The following RAP1GAP2 variants were observed in gnomAD, a reference collection of about 807,000 sequenced individuals.
RAP1GAP2 encodes the protein rap1 GTPase-activating protein 2.
In RAP1GAP2, 27 loss-of-function variants were observed where a neutral mutation model predicts 95.0. That is an observed-to-expected ratio of 0.28 (90% CI 0.21 to 0.39). The LOEUF (loss-of-function observed/expected upper bound fraction) is 0.39. Among genes scored for constraint, RAP1GAP2 ranks in the 10% least tolerant of loss-of-function variants. The pLI, the probability that RAP1GAP2 is intolerant of heterozygous loss-of-function variation, is 1.00. For missense variants in RAP1GAP2, 771 were observed against 970.0 expected (o/e 0.79, Z 2.72); for synonymous variants, 373 against 380.9 (o/e 0.98, Z 0.24).
intron 2 of RAP1GAP2, among the ~76,000 whole-genome samples, chr17:2,832,077 G>T (rs935093191): frequency 1.3e-5 from 2 of 150,746 alleles, no homozygotes; most frequent in Non-Finnish European, 2.9e-5. Flanking sequence ...GGTGGTGGGT[G>T]CCTGTAATCC....
intron 17 of RAP1GAP2, among the ~76,000 whole-genome samples, chr17:3,016,043 G>T (rs115811031): frequency 6.6e-6 from 1 of 152,140 alleles, no homozygotes; most frequent in Non-Finnish European, 1.5e-5. Context: ...ACTACGATAA[G>T]GAAAATTCAT....
Position 2,985,017 on chromosome 17 carries a change from A to C in RAP1GAP2, c.764A>C (p.Glu255Ala). Residue 255 changes from glutamate to alanine, a missense_variant, in exon 11 of 25, where the codon GAA becomes GCA. Coordinates refer to ENST00000254695, the MANE Select transcript of RAP1GAP2 (RefSeq NM_015085.5). ...SQMIVSYDEH[E>A]VNNTFKFGVI... ...ATGATTGTGTCCTATGATGAGCATG[A>C]AGTCAACAACACATTCAAATTCGGA... 6.2e-7 allele frequency: 1 copy of C among 1,613,854 alleles called. No homozygotes were observed. Among genetic ancestry groups the C allele is most frequent in the Non-Finnish European group, 8.5e-7 (1 of 1,179,868 alleles).
chr17:3,014,135 G>C (rs12951714), intron 17 of RAP1GAP2, among the ~76,000 whole-genome samples: 3 of 19,934 alleles, frequency 1.5e-4, no homozygotes, highest in African/African-American at 2.2e-4. Flanking sequence ...GCTATAGAGC[G>C]TGTGGCTGCC....
chr17:3,036,866 A>G lies in RAP1GAP2; in HGVS notation c.*3505A>G, dbSNP rs1271707285. On this transcript the variant is annotated 3_prime_UTR_variant, in exon 25 of 25. Transcript: ENST00000254695. ...CCTGCCAGGTGCCAACTCAAACACTACCTTTCTCATTGGTTTCTAAGTCAG... is the reference window on the plus strand; with the variant it reads ...CCTGCCAGGTGCCAACTCAAACACTGCCTTTCTCATTGGTTTCTAAGTCAG... The G allele has an allele frequency of 6.6e-6, 1 of 152,428 alleles. No individual in the cohort carries two copies. The highest frequency in any genetic ancestry group is 1.5e-5 in the Non-Finnish European group (1 of 68,008). 9.4% of individuals were successfully genotyped at this position (152,428 alleles called of 1,614,324 possible).
chr17:2,817,202 C>T (rs1567674891), intron 2 of RAP1GAP2, among the ~76,000 whole-genome samples: 1 of 119,682 alleles, frequency 8.4e-6, no homozygotes, highest in African/African-American at 2.8e-5. Flanking sequence ...CCATGATGGC[C>T]AGGCTGGTCT....
At chr17:3,009,787 T>G (rs192334216) in intron 17 of RAP1GAP2, among the ~76,000 whole-genome samples, 26 of 151,854 alleles carry the variant, frequency 1.7e-4, no homozygotes, top group Admixed American at 1.3e-3. Flanking sequence ...TAGGAGAAAT[T>G]GGGAGATCAA....
At chr17:2,869,405 A>C (rs2072750785) in intron 2 of RAP1GAP2, among the ~76,000 whole-genome samples, 1 of 152,034 alleles carries the variant, frequency 6.6e-6, no homozygotes, top group Non-Finnish European at 1.5e-5. Context: ...TGTAAATGCC[A>C]CTGAATTGCA....
chr17:2,943,966 G>T (rs2043605168), intron 3 of RAP1GAP2, among the ~76,000 whole-genome samples: 1 of 151,984 alleles, frequency 6.6e-6, no homozygotes, highest in Admixed American at 6.6e-5. Flanking sequence ...TGGCCAACAT[G>T]GTGAAACCAG....
chr17:2,847,243 G>A (rs369396722), intron 2 of RAP1GAP2, among the ~76,000 whole-genome samples: 1 of 152,090 alleles, frequency 6.6e-6, no homozygotes, highest in Non-Finnish European at 1.5e-5. Context: ...TCCTGACCTC[G>A]TGATCCACCC....
intron 8 of RAP1GAP2, among the ~76,000 whole-genome samples, chr17:2,970,646 A>G (rs1265513278): frequency 1.3e-5 from 2 of 152,212 alleles, no homozygotes; most frequent in East Asian, 3.8e-4. Flanking sequence ...ATCATGTTGG[A>G]CATCTCTTCA....
At chr17:2,848,346 C>T (rs1038874969) in intron 2 of RAP1GAP2, among the ~76,000 whole-genome samples, 5 of 152,092 alleles carry the variant, frequency 3.3e-5, no homozygotes, top group East Asian at 1.9e-4. Flanking sequence ...TCTTTGAGGC[C>T]TCCGAGTCCT....
intron 12 of RAP1GAP2, among the ~76,000 whole-genome samples, chr17:2,993,789 C>A (rs1340878930): frequency 6.6e-6 from 1 of 152,036 alleles, no homozygotes; most frequent in Admixed American, 6.5e-5. Flanking sequence ...AAGCCCAGCA[C>A]TTTGGGAGGC....
At chr17:2,896,947 C>T (rs1199248456) in intron 2 of RAP1GAP2, among the ~76,000 whole-genome samples, 2 of 152,202 alleles carry the variant, frequency 1.3e-5, no homozygotes, top group Middle Eastern at 3.2e-3. Flanking sequence ...ACAGCCTGGG[C>T]CTCCTGCTCT....
chr17:2,808,160 T>C lies in RAP1GAP2; in HGVS notation c.80+7610T>C, dbSNP rs543299772. Reference sequence around the variant, plus strand: ...CTGTCGTGTCCAAGAGCCTAATCTTTCTTGGTGGTGTGACAAGGACCCCGT... The same window carrying C: ...CTGTCGTGTCCAAGAGCCTAATCTTCCTTGGTGGTGTGACAAGGACCCCGT... On this transcript the variant is annotated intron_variant, in intron 2 of 24. Transcript: ENST00000254695. Among the ~76,000 whole-genome samples, 9 of 152,220 alleles carry C rather than the reference T, an allele frequency of 5.9e-5. No homozygotes were observed. In the South Asian group the frequency reaches 6.2e-4, roughly 11 times the overall value.
chr17:2,920,705 C>T (rs1053826541), intron 3 of RAP1GAP2, among the ~76,000 whole-genome samples: 4 of 152,338 alleles, frequency 2.6e-5, no homozygotes, highest in South Asian at 2.1e-4. Flanking sequence ...TGTCGAATAT[C>T]GGCACATAAT....
chr17:2,810,752 A>G (rs1410581161), intron 2 of RAP1GAP2, among the ~76,000 whole-genome samples: 1 of 151,940 alleles, frequency 6.6e-6, no homozygotes, highest in African/African-American at 2.4e-5. Context: ...GCTGGTCGCA[A>G]ACTCCTGACC....
chr17:2,963,186 G>T lies in RAP1GAP2; in HGVS notation c.247-244G>T. On this transcript the variant is annotated intron_variant, in intron 5 of 24. Coordinates refer to ENST00000254695, the MANE Select transcript of RAP1GAP2 (RefSeq NM_015085.5). This position sits in a 1 kb window ranked among gnomAD's most constrained non-coding sequence, Gnocchi z 4.8. Reference sequence around the variant, plus strand: ...ATGAGAAGCTGGTATCACGAGGGGTGAGAAGTTCAGCACCTTCGGACACTG... The same window carrying T: ...ATGAGAAGCTGGTATCACGAGGGGTTAGAAGTTCAGCACCTTCGGACACTG... The T allele has an allele frequency of 1.7e-6, 1 of 586,190 alleles. No individual in the cohort carries two copies. Among genetic ancestry groups the T allele is most frequent in the Admixed American group, 3.1e-5 (1 of 32,578 alleles). 36.3% of individuals were successfully genotyped at this position (586,190 alleles called of 1,614,324 possible).
At chr17:3,017,431 G>A (rs1184023914) in intron 17 of RAP1GAP2, among the ~76,000 whole-genome samples, 3 of 152,094 alleles carry the variant, frequency 2.0e-5, no homozygotes, top group African/African-American at 7.2e-5. Flanking sequence ...CAAGTGGGAG[G>A]GGCGGCTCAG....
At chr17:2,886,448 C>T (rs1342584421) in intron 2 of RAP1GAP2, among the ~76,000 whole-genome samples, 8 of 152,048 alleles carry the variant, frequency 5.3e-5, no homozygotes, top group Admixed American at 5.2e-4. Context: ...ACTGGGATTA[C>T]AGGTGTGAGC....
Sources: allele counts gnomAD v4.1 joint callset (sites outside exome capture counted in the v4.1 genomes callset), GRCh38; gene constraint gnomAD v4.1.1; non-coding constraint Gnocchi (gnomAD v3.1); transcripts MANE v1.5; gene names NCBI Gene and HGNC (gene_info 2026-07-23, HGNC 2026-07-21).